TMPRSS2: variants seen among roughly 807,000 people sequenced by gnomAD.
The protein encoded by TMPRSS2 is transmembrane protease serine 2.
A neutral mutation model predicts 67.4 loss-of-function variants in TMPRSS2; 59 were observed. The ratio of observed to expected loss-of-function variants is 0.88; its 90% CI spans 0.71 to 1.09. The LOEUF is 1.09. Among genes scored for constraint, TMPRSS2 ranks in the 50% least tolerant of loss-of-function variants. The probability of loss-of-function intolerance (pLI) is 0.00; values close to 1 mark genes in which losing one functional copy is unlikely to be tolerated. For synonymous variants in TMPRSS2, 257 were observed against 257.0 expected, an observed-to-expected ratio of 1.00 and a Z score of 0.00; for missense variants, 668 against 642.7, an observed-to-expected ratio of 1.04 and a Z score of -0.43.
intron 12 of TMPRSS2, 34 bp from the exon 13 acceptor site, chr21:41,467,920 A>G (rs946146227): frequency 6.2e-7 from 1 of 1,613,488 alleles, no homozygotes; most frequent in East Asian, 2.2e-5. Context: ...AGAGCAGAAA[A>G]TCAAGTCACA....
At chr21:41,480,668 T>C in intron 5 of TMPRSS2, 66 bp from the exon 6 acceptor site, 1 of 1,571,974 alleles carries the variant, frequency 6.4e-7, no homozygotes, top group Non-Finnish European at 8.6e-7. Flanking sequence ...AGACGGAGTC[T>C]CGCTCTGTCA....
At position 41,464,618 on chromosome 21, in the gene TMPRSS2, T is replaced by A. The variant is rs905237434; in HGVS notation, c.*1524A>T. ...CATTTTCACAATTGAACTTTACAGT[T>A]TAAAAAAGATACAAAAAAAGACAAA... On this transcript the variant is annotated 3_prime_UTR_variant, in exon 14 of 14. Coordinates refer to ENST00000332149, the MANE Select transcript of TMPRSS2 (RefSeq NM_005656.4). 13 of 232,680 alleles carry A rather than the reference T, an allele frequency of 5.6e-5. No homozygotes were observed. The highest frequency in any genetic ancestry group is 1.1e-4 in the Non-Finnish European group (13 of 117,764). The allele number at this position is 232,680 out of a possible 1,614,324, so 14.4% of individuals were successfully genotyped here. A position where few individuals can be genotyped will look rare whatever the true frequency, so the allele number is the denominator to read the frequency against.
intron 11 of TMPRSS2, 49 bp downstream of exon 11, chr21:41,470,599 T>C: frequency 1.3e-6 from 2 of 1,567,114 alleles, no homozygotes; most frequent in Non-Finnish European, 1.8e-6. Context: ...CCGAACCCAA[T>C]GCTCCATCTG....
At chr21:41,489,381 T>C in intron 4 of TMPRSS2, 126 bp downstream of exon 4, 1 of 660,622 alleles carries the variant, frequency 1.5e-6, no homozygotes. Context: ...AGAGACAGCC[T>C]CGTTATGTAA....
chr21:41,507,991 G>A, intron 1 of TMPRSS2, 90 bp downstream of exon 1: 2 of 1,397,550 alleles, frequency 1.4e-6, no homozygotes, highest in Non-Finnish European at 9.2e-7. Flanking sequence ...ACCTCCGGGC[G>A]GGGCAGGGGG....
At chr21:41,492,862 G>A (rs907530634) in intron 3 of TMPRSS2, among the ~76,000 whole-genome samples, 16 of 152,176 alleles carry the variant, frequency 1.1e-4, no homozygotes, top group African/African-American at 3.9e-4. Context: ...CTTCAGGAGA[G>A]GGCCTTCACT....
chr21:41,479,232 C>G lies in TMPRSS2; in HGVS notation c.623G>C (p.Ser208Thr). The change falls in exon 7 of 14, where the codon AGC (serine) becomes ACC (threonine). Residue 208 changes from serine to threonine, a missense_variant. Transcript: ENST00000332149. ...QGIVDDSGST[S>T]FMKLNTSAGN... ...GGCACTTGTGTTCAGTTTCATAAAG[C>G]TGGTGGATCCGCTGTCATCCACTAT... 1.2e-6 allele frequency: 2 copies of G among 1,613,990 alleles called. No homozygotes were observed. The highest frequency in any genetic ancestry group is 1.7e-6 in the Non-Finnish European group (2 of 1,179,982).
At chr21:41,481,263 A>C in intron 5 of TMPRSS2, among the ~76,000 whole-genome samples, 1 of 127,812 alleles carries the variant, frequency 7.8e-6, no homozygotes, top group Non-Finnish European at 2.0e-5. Context: ...AGAGGGAATG[A>C]AATTCAGACA....
chr21:41,497,550 A>C (rs1233774446), intron 2 of TMPRSS2, among the ~76,000 whole-genome samples: 2 of 152,238 alleles, frequency 1.3e-5, no homozygotes, highest in East Asian at 3.8e-4. Flanking sequence ...TAAAGGGGAA[A>C]ACAAGGTCTA....
At chr21:41,487,215 G>A (rs1406077426) in intron 5 of TMPRSS2, 1 of 152,236 alleles carries the variant, frequency 6.6e-6, no homozygotes, top group Non-Finnish European at 1.5e-5. Flanking sequence ...CCACAAGAAA[G>A]AAGGAAATCC....
rs550253934 is a variant in TMPRSS2 at position 41,478,505 on chromosome 21, A to G, written c.683+667T>C. The stretch of plus-strand genomic sequence containing the variant: ...CATAGCAAGTCTGCAAACATCCTAA[A>G]TATGTGCAAAGCAAAAGGAAGAGCC... On this transcript the variant is annotated intron_variant, in intron 7 of 13. Coordinates refer to ENST00000332149, the MANE Select transcript of TMPRSS2 (RefSeq NM_005656.4). The surrounding 1 kb of genome is among the most constrained non-coding windows in gnomAD (Gnocchi z 4.0). 3.3e-5 allele frequency among the ~76,000 whole-genome samples: 5 copies of G among 152,302 alleles called. No homozygotes were observed. The South Asian group carries it at 8.3e-4, about 25-fold the overall frequency.
chr21:41,472,043 C>A, intron 9 of TMPRSS2, 62 bp from the exon 10 acceptor site: 3 of 1,451,504 alleles, frequency 2.1e-6, no homozygotes, highest in Middle Eastern at 1.9e-4. Flanking sequence ...AGTGGATGAA[C>A]TTCCAACGTC....
chr21:41,475,151 T>G (rs1203093248), intron 8 of TMPRSS2, among the ~76,000 whole-genome samples: 2 of 3,738 alleles, frequency 5.4e-4, no homozygotes, highest in Non-Finnish European at 9.9e-4. Context: ...GAAGGCATGA[T>G]TGAGGGGGTG....
intron 9 of TMPRSS2, 88 bp downstream of exon 9, chr21:41,473,237 G>A (rs534885992): frequency 8.6e-6 from 12 of 1,392,798 alleles, no homozygotes; most frequent in East Asian, 2.5e-5. Context: ...GGATGCCGGG[G>A]CTGCAAGGGT....
At chr21:41,498,401 A>G (rs1368636249) in intron 1 of TMPRSS2, among the ~76,000 whole-genome samples, 4 of 152,198 alleles carry the variant, frequency 2.6e-5, no homozygotes, top group Admixed American at 2.6e-4. Context: ...TAGAGGTTAC[A>G]GCAGAAGCAC....
rs142125685 is a variant in TMPRSS2 at position 41,478,869 on chromosome 21, T to A, written c.683+303A>T. Among the ~76,000 whole-genome samples the A allele has an allele frequency of 1.6e-3, 238 of 152,288 alleles. 2 individuals are homozygous for A. The highest frequency in any genetic ancestry group is 1.2e-3 in the Non-Finnish European group (81 of 68,034). The stretch of plus-strand genomic sequence containing the variant: ...GACAAAATAGGTACACCTCTAAATG[T>A]CTGAAGAGGAAAGAAAACTAAATAG... On this transcript the variant is annotated intron_variant, in intron 7 of 13. Transcript: ENST00000332149. This position sits in a 1 kb window ranked among gnomAD's most constrained non-coding sequence, Gnocchi z 4.0.
intron 2 of TMPRSS2, among the ~76,000 whole-genome samples, chr21:41,496,264 A>G (rs1211534194): frequency 6.6e-6 from 1 of 152,188 alleles, no homozygotes. Context: ...AATGTTCCTA[A>G]AGGAGCATAG....
At chr21:41,504,490 T>C (rs552995151) in intron 1 of TMPRSS2, among the ~76,000 whole-genome samples, 4 of 152,194 alleles carry the variant, frequency 2.6e-5, no homozygotes, top group Non-Finnish European at 5.9e-5. Context: ...CCAGCGCATT[T>C]CCACTCATTC....
At chr21:41,491,701 A>C (rs745522764) in intron 3 of TMPRSS2, among the ~76,000 whole-genome samples, 1 of 152,220 alleles carries the variant, frequency 6.6e-6, no homozygotes, top group East Asian at 1.9e-4. Context: ...GATGAGGGCT[A>C]TTCAGTTAGG....
Sources: gnomAD v4.1 joint callset for allele counts (sites outside exome capture counted in the v4.1 genomes callset) on GRCh38, gnomAD v4.1.1 for gene constraint, Gnocchi (gnomAD v3.1) non-coding constraint, MANE v1.5 for transcripts, NCBI Gene and HGNC (gene_info 2026-07-23, HGNC 2026-07-21) for gene names.